BRD3: variants seen among roughly 807,000 people sequenced by gnomAD.
BRD3 encodes bromodomain containing 3.
A neutral mutation model predicts 66.8 loss-of-function variants in BRD3; 17 were observed. The observed-to-expected ratio is 0.25, with a 90% CI of 0.17 to 0.38. The LOEUF (loss-of-function observed/expected upper bound fraction) is 0.38, where lower values mean the gene tolerates loss of function less well. Ranked by LOEUF, BRD3 falls within the 10% of genes least tolerant of loss-of-function variation. The pLI, the probability that BRD3 is intolerant of heterozygous loss-of-function variation, is 1.00. For synonymous variants in BRD3, 421 were observed against 393.2 expected, an observed-to-expected ratio of 1.07 and a Z score of -0.84; for missense variants, 713 against 956.1, an observed-to-expected ratio of 0.75 and a Z score of 3.35.
At chr9:134,042,150 TC>T (rs906283989) in intron 7 of BRD3, among the ~76,000 whole-genome samples, 199 bp from the exon 8 acceptor site, 3 of 152,118 alleles carry the variant, frequency 2.0e-5, no homozygotes, top group African/African-American at 7.2e-5. Flanking sequence ...CCCAGGCAAT[TC>T]CTGCGGACAG....
intron 6 of BRD3, among the ~76,000 whole-genome samples, chr9:134,046,561 G>A (rs937392368): frequency 6.6e-6 from 1 of 152,204 alleles, no homozygotes; most frequent in Non-Finnish European, 1.5e-5. Flanking sequence ...AGAACCCGGG[G>A]GCACAGTGGG....
rs760751415 is a variant in BRD3 at position 134,050,355 on chromosome 9, C to G, written c.714+19G>C. ...GGCCGGGCTCAGGTGCCCCACCCAT[C>G]CGGACTCAGGGTGCTCACCTTGACG... is the stretch of plus-strand genomic sequence containing the variant. On this transcript the variant is annotated intron_variant, in intron 5 of 11. Transcript: ENST00000303407. 6.2e-7 allele frequency: 1 copy of G among 1,603,178 alleles called. No homozygotes were observed. Among genetic ancestry groups the G allele is most frequent in the Non-Finnish European group, 8.5e-7 (1 of 1,174,786 alleles).
chr9:134,067,469 G>A (rs1369890603), intron 1 of BRD3, among the ~76,000 whole-genome samples: 1 of 148,654 alleles, frequency 6.7e-6, no homozygotes, highest in Non-Finnish European at 1.5e-5. Flanking sequence ...GCGCACGGCC[G>A]CAGGCCGGGG....
intron 8 of BRD3, 100 bp downstream of exon 8, chr9:134,041,660 G>C (rs2106223): frequency 0.19 from 234,620 of 1,261,078 alleles, 20,752 homozygotes; most frequent in Middle Eastern, 0.26. Context: ...CTGAGGGACA[G>C]GGGCAGAGGA....
Position 134,050,417 on chromosome 9 carries a change from G to A in BRD3, c.671C>T (p.Thr224Ile), listed in dbSNP as rs1440785716. 4.3e-6 allele frequency: 7 copies of A among 1,611,996 alleles called. No individual in the cohort carries two copies. The highest frequency in any genetic ancestry group is 2.7e-5 in the African/African-American group (2 of 74,920). Residue 224 changes from threonine (T) to isoleucine (I), a missense_variant, in exon 5 of 12, where the codon ACA becomes ATA. Coordinates refer to ENST00000303407, the MANE Select transcript of BRD3 (RefSeq NM_007371.4). ...PPAAAPPPPA[T>I]PIVPVVPPTP... ...AGGAGGGACCACGGGGACGATGGGTGTGGCAGGAGGAGGTGGGGCGGCAGC... is the reference window on the plus strand; with the variant it reads ...AGGAGGGACCACGGGGACGATGGGTATGGCAGGAGGAGGTGGGGCGGCAGC...
At chr9:134,050,752 G>C (rs1051841607) in intron 4 of BRD3, among the ~76,000 whole-genome samples, 164 bp from the exon 5 acceptor site, 1 of 152,052 alleles carries the variant, frequency 6.6e-6, no homozygotes, top group African/African-American at 2.4e-5. Context: ...CTGCATCTTG[G>C]GGGCAGGGTT....
chr9:134,048,446 G>T lies in BRD3; in HGVS notation c.723C>A (p.Gly241=). The T allele has an allele frequency of 6.3e-7, 1 of 1,598,484 alleles. No homozygotes were observed. Among genetic ancestry groups the T allele is most frequent in the Non-Finnish European group, 8.5e-7 (1 of 1,179,882 alleles). ...TGGTTGTGTCTGCTTTCCGCTTCAC[G>T]CCCTTTTTCTGCGACAGTGAAATAA... is the stretch of plus-strand genomic sequence containing the variant. The part of the protein sequence containing the change: ...PPTPPVVKKK[G]VKRKADTTTP... Residue 241 remains glycine (G), a synonymous_variant, in exon 6 of 12, where the codon GGC becomes GGA. Coordinates refer to ENST00000303407, the MANE Select transcript of BRD3 (RefSeq NM_007371.4).
At chr9:134,037,094 CAAG>C (rs1259126356) in intron 9 of BRD3, among the ~76,000 whole-genome samples, 1 of 152,002 alleles carries the variant, frequency 6.6e-6, no homozygotes, top group Non-Finnish European at 1.5e-5. Flanking sequence ...ATTAAAAAAA[CAAG>C]AAGACCCCAC....
chr9:134,039,908 GC>G, intron 9 of BRD3, 125 bp downstream of exon 9: 1 of 1,459,018 alleles, frequency 6.9e-7, no homozygotes. Flanking sequence ...CTGTCTCCCT[GC>G]CCCCATCACC....
chr9:134,065,996 T>C (rs971854814), intron 1 of BRD3, among the ~76,000 whole-genome samples: 3 of 152,154 alleles, frequency 2.0e-5, no homozygotes, highest in African/African-American at 7.2e-5. Context: ...CGTCCTTCAT[T>C]CAAAGCTCAC....
At chr9:134,063,265 A>G (rs1830581863) in intron 1 of BRD3, among the ~76,000 whole-genome samples, 1 of 152,302 alleles carries the variant, frequency 6.6e-6, no homozygotes, top group East Asian at 1.9e-4. Flanking sequence ...GTGGGCATGC[A>G]GCACATCTGT....
chr9:134,040,411 C>A, intron 8 of BRD3, 142 bp from the exon 9 acceptor site: 2 of 890,854 alleles, frequency 2.2e-6, no homozygotes, highest in South Asian at 1.7e-5. Context: ...AGCACCTGGG[C>A]CCTGCTCTGC....
chr9:134,034,552 G>T, intron 11 of BRD3, 149 bp downstream of exon 11: 1 of 1,140,574 alleles, frequency 8.8e-7, no homozygotes. Flanking sequence ...GGAAATGGAG[G>T]TTTCAGGAGC....
chr9:134,044,722 A>C (rs1321520111), intron 7 of BRD3, among the ~76,000 whole-genome samples: 1 of 152,092 alleles, frequency 6.6e-6, no homozygotes, highest in Non-Finnish European at 1.5e-5. Flanking sequence ...CACACACACA[A>C]ATATCTCTGT....
intron 5 of BRD3, among the ~76,000 whole-genome samples, chr9:134,048,708 A>C (rs1362609723): frequency 6.6e-6 from 1 of 152,084 alleles, no homozygotes; most frequent in Non-Finnish European, 1.5e-5. Context: ...GCGAGGGGAG[A>C]TACCTCTCTC....
chr9:134,054,913 C>T (rs1166988782), intron 1 of BRD3, among the ~76,000 whole-genome samples: 5 of 152,144 alleles, frequency 3.3e-5, no homozygotes, highest in African/African-American at 4.8e-5. Flanking sequence ...TCAAACTACA[C>T]GCAACACAGC....
rs1053510991 is a variant in BRD3, at chr9:134,031,620, A to G, written c.*1970T>C. 4.7e-6 allele frequency: 1 copy of G among 212,616 alleles called. No homozygotes were observed. The highest frequency in any genetic ancestry group is 9.5e-6 in the Non-Finnish European group (1 of 105,162). The allele number at this position is 212,616 out of a possible 1,614,324, so 13.2% of individuals were successfully genotyped here. A position where few individuals can be genotyped will look rare whatever the true frequency, so the allele number is the denominator to read the frequency against. Reference sequence around the variant, plus strand: ...TCACCAAGTGTCAGACTCACCAGCAATTTAAAAAATGATAATTTACCAGCA... The same window carrying G: ...TCACCAAGTGTCAGACTCACCAGCAGTTTAAAAAATGATAATTTACCAGCA... On this transcript the variant is annotated 3_prime_UTR_variant, in exon 12 of 12. Coordinates refer to ENST00000303407, the MANE Select transcript of BRD3 (RefSeq NM_007371.4).
rs779544871 is a variant in BRD3, at chr9:134,053,430, C to A, written c.48G>T (p.Pro16=). 6.2e-7 allele frequency: 1 copy of A among 1,610,714 alleles called. No individual in the cohort carries two copies. The highest frequency in any genetic ancestry group is 8.5e-7 in the Non-Finnish European group (1 of 1,179,522). The part of the protein sequence containing the change: ...TVAPAGIPAT[P]GPVNPPPPEV... The stretch of plus-strand genomic sequence containing the variant: ...CCGGGGGGGGTGGGTTCACAGGGCC[C>A]GGGGTCGCCGGGATCCCCGCGGGGG... The change falls in exon 2 of 12, where the codon CCG becomes CCT. Residue 16 remains proline (P), a synonymous_variant. Transcript: ENST00000303407.
rs770327924 is a variant in BRD3, at chr9:134,048,450, T to C, written c.719A>G (p.Lys240Arg). The C allele has an allele frequency of 1.3e-6, 2 of 1,598,320 alleles. No homozygotes were observed. The highest frequency in any genetic ancestry group is 1.7e-6 in the Non-Finnish European group (2 of 1,179,808). ...VPPTPPVVKK[K>R]GVKRKADTTT... ...TGTGTCTGCTTTCCGCTTCACGCCCTTTTTCTGCGACAGTGAAATAACCAG... is the reference window on the plus strand; with the variant it reads ...TGTGTCTGCTTTCCGCTTCACGCCCCTTTTCTGCGACAGTGAAATAACCAG... Residue 240 changes from lysine to arginine, a missense_variant, in exon 6 of 12, where the codon AAG becomes AGG. Transcript: ENST00000303407.
Sources: allele counts gnomAD v4.1 joint callset (sites outside exome capture counted in the v4.1 genomes callset), GRCh38; gene constraint gnomAD v4.1.1; transcripts MANE v1.5; gene names NCBI Gene and HGNC (gene_info 2026-07-23, HGNC 2026-07-21).